KCNIP1: variants seen among roughly 807,000 people sequenced by gnomAD.
KCNIP1 encodes the protein potassium voltage-gated channel interacting protein 1, also known as A-type potassium channel modulatory protein KCNIP1.
KCNIP1 carries 18 observed loss-of-function variants against 33.0 expected under a neutral mutation model. That is an observed-to-expected ratio of 0.55 (90% CI 0.38 to 0.81). The LOEUF is 0.81. Ranked by LOEUF, KCNIP1 falls within the 30% of genes least tolerant of loss-of-function variation. The pLI, the probability that KCNIP1 is intolerant of heterozygous loss-of-function variation, is 0.00. For synonymous variants in KCNIP1, 93 were observed against 98.3 expected, an observed-to-expected ratio of 0.95 and a Z score of 0.32; for missense variants, 238 against 271.6, an observed-to-expected ratio of 0.88 and a Z score of 0.87.
chr5:170,476,323 C>T (rs543949773), intron 1 of KCNIP1, among the ~76,000 whole-genome samples: 5 of 152,316 alleles, frequency 3.3e-5, no homozygotes, highest in African/African-American at 1.2e-4. Flanking sequence ...ATATCTCTGA[C>T]TAATTACAAT....
At chr5:170,445,968 A>G (rs1307412642) in intron 1 of KCNIP1, among the ~76,000 whole-genome samples, 1 of 152,242 alleles carries the variant, frequency 6.6e-6, no homozygotes, top group African/African-American at 2.4e-5. Context: ...GACAAGGGAA[A>G]TTGCCACATG....
intron 1 of KCNIP1, among the ~76,000 whole-genome samples, chr5:170,645,910 T>C (rs1030368870): frequency 6.6e-6 from 1 of 151,876 alleles, no homozygotes; most frequent in Non-Finnish European, 1.5e-5. Flanking sequence ...AAAAAAATAC[T>C]CTGAATCAAC....
chr5:170,669,443 G>T, intron 1 of KCNIP1: 1 of 834,790 alleles, frequency 1.2e-6, no homozygotes, highest in Non-Finnish European at 1.4e-6. Flanking sequence ...AGGCTACATA[G>T]AATGTATTTA....
At chr5:170,588,861 C>T (rs1758098555) in intron 1 of KCNIP1, among the ~76,000 whole-genome samples, 1 of 152,126 alleles carries the variant, frequency 6.6e-6, no homozygotes, top group African/African-American at 2.4e-5. Flanking sequence ...TTACCCTCCT[C>T]TGTTTCTTGC....
chr5:170,685,628 A>G (rs1477458548), intron 1 of KCNIP1, among the ~76,000 whole-genome samples: 1 of 151,720 alleles, frequency 6.6e-6, no homozygotes, highest in Non-Finnish European at 1.5e-5. Flanking sequence ...AGCTGGGATT[A>G]CAGGCATGTG....
At chr5:170,590,747 C>T (rs924535984) in intron 1 of KCNIP1, among the ~76,000 whole-genome samples, 2 of 152,196 alleles carry the variant, frequency 1.3e-5, no homozygotes, top group Admixed American at 1.3e-4. Context: ...AACAAACAGC[C>T]CCAAGTGTCT....
chr5:170,591,087 T>C (rs1375172702), intron 1 of KCNIP1, among the ~76,000 whole-genome samples: 1 of 152,242 alleles, frequency 6.6e-6, no homozygotes, highest in Non-Finnish European at 1.5e-5. Context: ...GAGCATCTAC[T>C]ATGTGCAGAG....
At chr5:170,452,480 A>T (rs558854728) in intron 1 of KCNIP1, among the ~76,000 whole-genome samples, 20 of 152,198 alleles carry the variant, frequency 1.3e-4, no homozygotes, top group African/African-American at 4.6e-4. Context: ...ATGTCAACAA[A>T]AGCTGGTGAT....
At chr5:170,720,940 A>G (rs1032140118) in intron 3 of KCNIP1, among the ~76,000 whole-genome samples, 8 of 152,040 alleles carry the variant, frequency 5.3e-5, no homozygotes, top group Non-Finnish European at 1.2e-4. Context: ...CCAGTTTACA[A>G]GTGTGCCAGG....
intron 5 of KCNIP1, among the ~76,000 whole-genome samples, chr5:170,726,745 C>CAAA (rs57173351): frequency 0.038 from 2,166 of 56,620 alleles, 47 homozygotes; most frequent in Non-Finnish European, 0.059. Context: ...ACTAAAAATA[C>CAAA]AAAAAAAAAA....
intron 1 of KCNIP1, among the ~76,000 whole-genome samples, chr5:170,557,554 C>A (rs565797445): frequency 1.3e-5 from 2 of 152,218 alleles, no homozygotes; most frequent in Non-Finnish European, 2.9e-5. Flanking sequence ...CGTGTGGGTC[C>A]CATCCTCTCC....
chr5:170,386,066 C>G (rs1038834548), intron 1 of KCNIP1, among the ~76,000 whole-genome samples: 5 of 150,612 alleles, frequency 3.3e-5, no homozygotes, highest in Admixed American at 6.6e-5. Flanking sequence ...GCGGAGCTTG[C>G]AGTGAGCAGA....
At chr5:170,436,269 T>C (rs1323787679) in intron 1 of KCNIP1, among the ~76,000 whole-genome samples, 1 of 152,186 alleles carries the variant, frequency 6.6e-6, no homozygotes, top group Non-Finnish European at 1.5e-5. Flanking sequence ...GGTTATTAAT[T>C]TGCAGGAGAG....
intron 1 of KCNIP1, among the ~76,000 whole-genome samples, chr5:170,486,956 G>A (rs1757105909): frequency 6.6e-6 from 1 of 152,076 alleles, no homozygotes; most frequent in South Asian, 2.1e-4. Context: ...ATTAGTCAGG[G>A]TTCTCCAGAG....
At chr5:170,408,758 C>A (rs192606283) in intron 1 of KCNIP1, among the ~76,000 whole-genome samples, 4 of 152,120 alleles carry the variant, frequency 2.6e-5, no homozygotes, top group African/African-American at 4.8e-5. Context: ...GCTGTCACTG[C>A]GGCCCTTGTC....
chr5:170,603,918 T>C (rs1039264597), intron 1 of KCNIP1, among the ~76,000 whole-genome samples: 3 of 152,098 alleles, frequency 2.0e-5, no homozygotes, highest in Non-Finnish European at 4.4e-5. Context: ...TCTTCACTGT[T>C]AGGGGGTAGA....
chr5:170,711,083 T>G (rs777710647), intron 1 of KCNIP1, among the ~76,000 whole-genome samples: 17 of 152,230 alleles, frequency 1.1e-4, no homozygotes, highest in Admixed American at 2.0e-4. Flanking sequence ...TCGTTAATTA[T>G]GGCATCTCTT....
chr5:170,444,878 C>G (rs1756075981), intron 1 of KCNIP1, among the ~76,000 whole-genome samples: 1 of 152,066 alleles, frequency 6.6e-6, no homozygotes, highest in African/African-American at 2.4e-5. Context: ...AGAAATAAAA[C>G]CCCCTCCAGC....
chr5:170,704,032 G>A (rs1763180661), intron 1 of KCNIP1, among the ~76,000 whole-genome samples: 1 of 137,988 alleles, frequency 7.2e-6, no homozygotes, highest in Non-Finnish European at 1.5e-5. Context: ...TGGGAATTTG[G>A]ACAGAGAGAG....
Sources: gnomAD v4.1 joint callset for allele counts (sites outside exome capture counted in the v4.1 genomes callset) on GRCh38, gnomAD v4.1.1 for gene constraint, MANE v1.5 for transcripts, NCBI Gene and HGNC (gene_info 2026-07-23, HGNC 2026-07-21) for gene names.